SHISA9: variants seen among roughly 807,000 people sequenced by gnomAD.
The protein encoded by SHISA9 is shisa family member 9, also known as protein shisa-9.
In SHISA9, 13 loss-of-function variants were observed where a neutral mutation model predicts 38.0. That is an observed-to-expected ratio of 0.34 (90% CI 0.22 to 0.54). The LOEUF (loss-of-function observed/expected upper bound fraction) is 0.54, where lower values mean the gene tolerates loss of function less well. Ranked by LOEUF, SHISA9 falls within the 20% of genes least tolerant of loss-of-function variation. SHISA9 has a pLI of 0.91. For missense variants in SHISA9, 538 were observed against 575.8 expected, an observed-to-expected ratio of 0.93 and a Z score of 0.67; for synonymous variants, 275 against 242.0, an observed-to-expected ratio of 1.14 and a Z score of -1.27.
rs372286181 is a variant in SHISA9 at position 13,187,328 on chromosome 16, CTTTTTTT to C, written c.692-16048_692-16042del. Among the ~76,000 whole-genome samples, 8 of 90,718 alleles carry C rather than the reference CTTTTTTT, an allele frequency of 8.8e-5. No homozygotes were observed. The South Asian group carries it at 1.4e-3, about 15-fold the overall frequency. The allele number at this position is 90,718 out of a possible 152,430, so 59.5% of individuals were successfully genotyped here. ...GAGAAGGCTTCTTTTCTTTTCTTTTCTTTTTTTTTTTTTTTTTTTTTTTTGAGGCAGA... is the reference window on the plus strand; with the variant it reads ...GAGAAGGCTTCTTTTCTTTTCTTTTCTTTTTTTTTTTTTTTTTGAGGCAGA... On this transcript the variant is annotated intron_variant, in intron 2 of 4. Coordinates refer to ENST00000558583, the MANE Select transcript of SHISA9 (RefSeq NM_001145204.3).
chr16:13,188,971 C>T (rs1320064528), intron 2 of SHISA9, among the ~76,000 whole-genome samples: 1 of 152,042 alleles, frequency 6.6e-6, no homozygotes, highest in Admixed American at 6.6e-5. Context: ...GATGCAGACA[C>T]ACACAGAGAA....
At chr16:12,982,874 T>A (rs954464524) in intron 2 of SHISA9, among the ~76,000 whole-genome samples, 4 of 152,220 alleles carry the variant, frequency 2.6e-5, no homozygotes, top group Admixed American at 6.5e-5. Flanking sequence ...TAGCTGTCAG[T>A]TTCCTTACTC....
chr16:13,225,640 A>G (rs1596748852), intron 4 of SHISA9, among the ~76,000 whole-genome samples: 2 of 152,008 alleles, frequency 1.3e-5, no homozygotes, highest in African/African-American at 2.4e-5. Context: ...AGTGGTAGGA[A>G]CCCCTCCCTA....
the SHISA9 span, among the ~76,000 whole-genome samples, chr16:13,319,446 G>A: frequency 1.3e-5 from 2 of 152,156 alleles, no homozygotes; most frequent in African/African-American, 2.4e-5. Context: ...GACACTACGA[G>A]GTAAACCCTA....
chr16:12,953,818 G>A (rs2202077), intron 2 of SHISA9, among the ~76,000 whole-genome samples: 16,348 of 152,186 alleles, frequency 0.11, 1,030 homozygotes, highest in Non-Finnish European at 0.14. Flanking sequence ...ACTTACAATC[G>A]TGGTGGAAGG....
At chr16:13,241,510 A>T (rs1429736320), downstream of SHISA9, among the ~76,000 whole-genome samples, 1 of 152,136 alleles carries the variant, frequency 6.6e-6, no homozygotes, top group East Asian at 1.9e-4. Context: ...CCATCTCAAA[A>T]AAAGAGAAAA....
intron 2 of SHISA9, among the ~76,000 whole-genome samples, chr16:12,985,912 T>G (rs2072301854): frequency 6.6e-6 from 1 of 152,172 alleles, no homozygotes; most frequent in African/African-American, 2.4e-5. Context: ...AACTCATTAC[T>G]CTTGTGTGCA....
At position 13,024,181 on chromosome 16, in the gene SHISA9, T is replaced by C. The variant is rs575631923; in HGVS notation, c.691+107366T>C. On this transcript the variant is annotated intron_variant, in intron 2 of 4. Coordinates refer to ENST00000558583, the MANE Select transcript of SHISA9 (RefSeq NM_001145204.3). Reference sequence around the variant, plus strand: ...GTAGCTCAAGCACCTACAGAACAAATTGAGCCCAGGTCTGCTGTTTCCAGA... The same window carrying C: ...GTAGCTCAAGCACCTACAGAACAAACTGAGCCCAGGTCTGCTGTTTCCAGA... 1.1e-4 allele frequency among the ~76,000 whole-genome samples: 16 copies of C among 152,346 alleles called. 1 individual carries two copies. The highest frequency in any genetic ancestry group is 9.1e-4 in the Admixed American group (14 of 15,308).
At chr16:13,112,378 G>C (rs1203025403) in intron 2 of SHISA9, among the ~76,000 whole-genome samples, 2 of 152,034 alleles carry the variant, frequency 1.3e-5, no homozygotes, top group East Asian at 3.9e-4. Flanking sequence ...GGGAAAGAGG[G>C]AGGCAGGGAG....
chr16:12,949,640 C>T (rs1490707173), intron 2 of SHISA9, among the ~76,000 whole-genome samples: 1 of 152,170 alleles, frequency 6.6e-6, no homozygotes, highest in African/African-American at 2.4e-5. Context: ...AAATTGCTTA[C>T]ATGTCTAATG....
intron 2 of SHISA9, among the ~76,000 whole-genome samples, chr16:13,010,626 C>G (rs1403977134): frequency 2.0e-5 from 3 of 152,156 alleles, no homozygotes; most frequent in African/African-American, 7.2e-5. Flanking sequence ...ATCAGAATTC[C>G]TCTACACTGA....
chr16:13,101,701 A>G (rs943566003), intron 2 of SHISA9, among the ~76,000 whole-genome samples: 7 of 152,210 alleles, frequency 4.6e-5, no homozygotes, highest in Admixed American at 3.3e-4. Context: ...AGGGACCTCC[A>G]TACTGTTTTC....
intron 2 of SHISA9, among the ~76,000 whole-genome samples, chr16:13,016,348 C>T (rs34399491): frequency 0.078 from 11,919 of 152,172 alleles, 622 homozygotes; most frequent in East Asian, 0.27. Flanking sequence ...AAGTAGTCCT[C>T]ATTCCTAGTC....
intron 2 of SHISA9, among the ~76,000 whole-genome samples, chr16:12,925,447 A>ATATGTG (rs371503938): frequency 1.5e-5 from 1 of 66,204 alleles, no homozygotes; most frequent in Non-Finnish European, 3.3e-5. Context: ...GTGTGTGTGT[A>ATATGTG]TGTGTGTGTG....
At chr16:13,247,841 G>A in the SHISA9 span, among the ~76,000 whole-genome samples, 1 of 152,158 alleles carries the variant, frequency 6.6e-6, no homozygotes, top group Admixed American at 6.5e-5. Context: ...CATTATAAAA[G>A]GGCAACTCAT....
At chr16:13,536,648 T>C in the SHISA9 span, among the ~76,000 whole-genome samples, 1 of 152,072 alleles carries the variant, frequency 6.6e-6, no homozygotes. Context: ...GAAGAAGGTG[T>C]TTCAGAAAGA....
At chr16:12,929,278 T>G (rs1201835011) in intron 2 of SHISA9, among the ~76,000 whole-genome samples, 1 of 152,088 alleles carries the variant, frequency 6.6e-6, no homozygotes, top group Non-Finnish European at 1.5e-5. Flanking sequence ...ACCCAGCAAT[T>G]TTATTACTGG....
chr16:13,271,041 C>T, the SHISA9 span, among the ~76,000 whole-genome samples: 1 of 152,122 alleles, frequency 6.6e-6, no homozygotes, highest in African/African-American at 2.4e-5. Context: ...GCATACTGAC[C>T]ACTGACCTCA....
At chr16:12,957,317 A>G (rs1288891245) in intron 2 of SHISA9, among the ~76,000 whole-genome samples, 1 of 152,214 alleles carries the variant, frequency 6.6e-6, no homozygotes, top group East Asian at 1.9e-4. Flanking sequence ...TCATCAGTTC[A>G]GGCTGCCATA....
Sources: allele counts gnomAD v4.1 joint callset (sites outside exome capture counted in the v4.1 genomes callset), GRCh38; gene constraint gnomAD v4.1.1; transcripts MANE v1.5; gene names NCBI Gene and HGNC (gene_info 2026-07-23, HGNC 2026-07-21).